Variants in KCNAB1 observed in about 807,000 individuals in gnomAD.
The protein encoded by KCNAB1 is potassium voltage-gated channel subfamily A regulatory beta subunit 1, also known as voltage-gated potassium channel subunit beta-1.
KCNAB1 carries 35 observed loss-of-function variants against 64.6 expected under a neutral mutation model. That is an observed-to-expected ratio of 0.54 (90% CI 0.41 to 0.72). KCNAB1 has a LOEUF of 0.72. Among genes scored for constraint, KCNAB1 ranks in the 30% least tolerant of loss-of-function variants. The probability of loss-of-function intolerance (pLI) is 0.00; values close to 1 mark genes in which losing one functional copy is unlikely to be tolerated. For synonymous variants in KCNAB1, 177 were observed against 183.8 expected, an observed-to-expected ratio of 0.96 and a Z score of 0.30; for missense variants, 401 against 512.9, an observed-to-expected ratio of 0.78 and a Z score of 2.11.
At chr3:156,143,399 CAG>C in intron 1 of KCNAB1, 1 of 1,593,756 alleles carries the variant, frequency 6.3e-7, no homozygotes, top group Non-Finnish European at 8.5e-7. Flanking sequence ...ACCACCAGAG[CAG>C]AGACGGGCAT....
intron 6 of KCNAB1, among the ~76,000 whole-genome samples, chr3:156,464,766 C>G (rs1713232349): frequency 6.6e-6 from 1 of 152,216 alleles, no homozygotes; most frequent in African/African-American, 2.4e-5. Flanking sequence ...AAAAATAAAG[C>G]AACATCATGC....
chr3:156,292,591 G>A (rs1720508295), intron 1 of KCNAB1, among the ~76,000 whole-genome samples: 1 of 152,166 alleles, frequency 6.6e-6, no homozygotes, highest in Non-Finnish European at 1.5e-5. Context: ...AGGCTGGAGT[G>A]CAGTGGTGCG....
chr3:156,421,408 G>A lies in KCNAB1; in HGVS notation c.276-208G>A, dbSNP rs545075586. 2.8e-4 allele frequency among the ~76,000 whole-genome samples: 43 copies of A among 152,368 alleles called. 2 individuals carry two copies. Among genetic ancestry groups the A allele is most frequent in the African/African-American group, 1.0e-3 (42 of 41,580 alleles). Reference sequence around the variant, plus strand: ...CTGTGTTCTGTGAGGGACATTTTCTGTGCTGCGCCTGAACAGATTTTGAGC... The same window carrying A: ...CTGTGTTCTGTGAGGGACATTTTCTATGCTGCGCCTGAACAGATTTTGAGC... On this transcript the variant is annotated intron_variant, in intron 1 of 13. Coordinates refer to ENST00000490337, the MANE Select transcript of KCNAB1 (RefSeq NM_172160.3).
At chr3:156,302,735 T>C (rs895164648) in intron 1 of KCNAB1, among the ~76,000 whole-genome samples, 2 of 152,190 alleles carry the variant, frequency 1.3e-5, no homozygotes, top group African/African-American at 4.8e-5. Context: ...GAGGAGTATC[T>C]CTTTTTTCTT....
At chr3:156,410,644 C>A (rs115793452) in intron 1 of KCNAB1, among the ~76,000 whole-genome samples, 1,700 of 152,310 alleles carry the variant, frequency 0.011, 28 homozygotes, top group African/African-American at 0.039. Flanking sequence ...CTCTCCCCAC[C>A]TCCAAATCCT....
chr3:156,186,367 T>C (rs1408228495), intron 1 of KCNAB1, among the ~76,000 whole-genome samples: 1 of 152,174 alleles, frequency 6.6e-6, no homozygotes, highest in Non-Finnish European at 1.5e-5. Flanking sequence ...TCCTATTCCT[T>C]TCCACCTCTG....
intron 1 of KCNAB1, among the ~76,000 whole-genome samples, chr3:156,299,747 A>G (rs1010708842): frequency 5.3e-5 from 8 of 152,042 alleles, no homozygotes; most frequent in Non-Finnish European, 1.2e-4. Flanking sequence ...ACAGCTAGGG[A>G]GGACTCTGAG....
intron 5 of KCNAB1, chr3:156,460,381 C>G (rs1211142829): frequency 6.5e-6 from 1 of 152,812 alleles, no homozygotes; most frequent in African/African-American, 2.4e-5. Flanking sequence ...TCTGGCTATT[C>G]AGAACAATGC....
intron 1 of KCNAB1, among the ~76,000 whole-genome samples, chr3:156,305,926 T>G (rs988704500): frequency 6.6e-6 from 1 of 152,202 alleles, no homozygotes; most frequent in South Asian, 2.1e-4. Context: ...TCTTTGTTTT[T>G]GTTGGTCTGC....
chr3:156,440,205 G>A (rs1716895506), intron 2 of KCNAB1, among the ~76,000 whole-genome samples: 1 of 152,220 alleles, frequency 6.6e-6, no homozygotes, highest in African/African-American at 2.4e-5. Context: ...GGCTTGCCTT[G>A]TGTATTTGAG....
chr3:156,292,637 G>A (rs1310623887), intron 1 of KCNAB1, among the ~76,000 whole-genome samples: 1 of 152,130 alleles, frequency 6.6e-6, no homozygotes, highest in East Asian at 1.9e-4. Flanking sequence ...AGCCTCCTGG[G>A]TTCAAGCGAT....
intron 1 of KCNAB1, among the ~76,000 whole-genome samples, chr3:156,299,354 G>A (rs1411628397): frequency 6.6e-6 from 1 of 152,194 alleles, no homozygotes; most frequent in Non-Finnish European, 1.5e-5. Flanking sequence ...ATCTCCTGTA[G>A]AGCCATGAGG....
chr3:156,143,764 A>G (rs1300515257), intron 1 of KCNAB1, among the ~76,000 whole-genome samples: 2 of 150,976 alleles, frequency 1.3e-5, no homozygotes, highest in Admixed American at 1.3e-4. Context: ...TAAGGGAAAG[A>G]GAATTTATAA....
chr3:156,487,664 T>C (rs1043310941), intron 8 of KCNAB1, among the ~76,000 whole-genome samples: 2 of 152,144 alleles, frequency 1.3e-5, no homozygotes, highest in Non-Finnish European at 2.9e-5. Context: ...GAACAGTTTG[T>C]ACAGGGAAGC....
At chr3:156,308,671 C>G (rs1721678198) in intron 1 of KCNAB1, among the ~76,000 whole-genome samples, 2 of 152,336 alleles carry the variant, frequency 1.3e-5, no homozygotes, top group African/African-American at 4.8e-5. Flanking sequence ...GCTGGCCAAG[C>G]TTTTCATCAG....
intron 1 of KCNAB1, among the ~76,000 whole-genome samples, chr3:156,145,117 C>T (rs769398782): frequency 6.6e-5 from 10 of 152,132 alleles, no homozygotes; most frequent in Non-Finnish European, 1.5e-4. Flanking sequence ...GGGGAAGGCT[C>T]TGTTACCTTG....
chr3:156,330,091 G>GT (rs1723233962), intron 1 of KCNAB1, among the ~76,000 whole-genome samples: 1 of 152,010 alleles, frequency 6.6e-6, no homozygotes, highest in Non-Finnish European at 1.5e-5. Flanking sequence ...TTTAAAACTT[G>GT]TTTTTTCACA....
intron 12 of KCNAB1, among the ~76,000 whole-genome samples, chr3:156,527,703 C>T (rs535894178): frequency 5.6e-4 from 86 of 152,222 alleles, no homozygotes; most frequent in African/African-American, 2.0e-3. Flanking sequence ...TCACTTCTTT[C>T]TTTGTAAATA....
At chr3:156,461,958 C>T (rs1025172904) in intron 5 of KCNAB1, among the ~76,000 whole-genome samples, 2 of 152,228 alleles carry the variant, frequency 1.3e-5, no homozygotes, top group South Asian at 4.1e-4. Context: ...GACTTCTGGT[C>T]CTGGCGCTAC....
Sources: gnomAD v4.1 joint callset for allele counts (sites outside exome capture counted in the v4.1 genomes callset) on GRCh38, gnomAD v4.1.1 for gene constraint, MANE v1.5 for transcripts, NCBI Gene and HGNC (gene_info 2026-07-23, HGNC 2026-07-21) for gene names.